Variants in TUT4 observed in about 807,000 individuals in gnomAD.
TUT4 encodes the protein terminal uridylyl transferase 4, also known as terminal uridylyltransferase 4.
TUT4 carries 36 observed loss-of-function variants against 192.2 expected under a neutral mutation model. The observed-to-expected ratio is 0.19, with a 90% confidence interval of 0.14 to 0.25. The LOEUF is 0.25. TUT4 is among the 10% of genes least tolerant of loss of function. The pLI is 1.00. For missense variants in TUT4, 1,493 were observed against 1,957.2 expected, an observed-to-expected ratio of 0.76 and a Z score of 4.47; for synonymous variants, 618 against 666.0, an observed-to-expected ratio of 0.93 and a Z score of 1.11.
In TUT4 at chr1:52,510,929, C is replaced by T. The variant is rs1676978420; in HGVS notation, c.883-1217G>A. 3.3e-5 allele frequency among the ~76,000 whole-genome samples: 5 copies of T among 152,286 alleles called. No individual in the cohort carries two copies. The South Asian group carries it at 1.0e-3, about 32-fold the overall frequency. ...AAAAATTACAAACACACAATAAATA[C>T]ATGTGGAATTTTAAAAGTTTCTAAT... On this transcript the variant is annotated intron_variant, in intron 3 of 29. Coordinates refer to ENST00000257177, the MANE Select transcript of TUT4 (RefSeq NM_001009881.3).
intron 15 of TUT4, among the ~76,000 whole-genome samples, chr1:52,467,674 C>G (rs1664591658): frequency 6.6e-6 from 1 of 152,162 alleles, no homozygotes; most frequent in African/African-American, 2.4e-5. Flanking sequence ...TACCAACATC[C>G]ATAAGGCACT....
At chr1:52,439,368 T>C (rs1016648994) in intron 24 of TUT4, among the ~76,000 whole-genome samples, 7 of 152,160 alleles carry the variant, frequency 4.6e-5, no homozygotes, top group African/African-American at 1.7e-4. Context: ...AAAGAAAAGG[T>C]AGGGAACTAA....
At chr1:52,463,256 AAT>A (rs748774254) in intron 16 of TUT4, 403 of 987,956 alleles carry the variant, frequency 4.1e-4, no homozygotes, top group Non-Finnish European at 4.7e-4. Flanking sequence ...TGGGTATAAA[AAT>A]CATTTCCTAT....
chr1:52,517,801 T>C (rs893858420), intron 2 of TUT4, among the ~76,000 whole-genome samples: 6 of 152,226 alleles, frequency 3.9e-5, no homozygotes, highest in African/African-American at 1.4e-4. Flanking sequence ...GAAATCCTAG[T>C]ATTATTTCTA....
Position 52,481,641 on chromosome 1 carries a change from T to C in TUT4, c.1636-6A>G, listed in dbSNP as rs952789921. 3 of 1,571,850 alleles carry C rather than the reference T, an allele frequency of 1.9e-6. No individual in the cohort carries two copies. Among genetic ancestry groups the C allele is most frequent in the Non-Finnish European group, 2.6e-6 (3 of 1,164,092 alleles). On this transcript the variant is annotated splice_region_variant and splice_polypyrimidine_tract_variant and intron_variant, in intron 10 of 29. Coordinates refer to ENST00000257177, the MANE Select transcript of TUT4 (RefSeq NM_001009881.3). ...TTTGGGTCAAAGCCTTCAATCTATA[T>C]AAAAAGGCATTCCAAATTGGTAGTG...
chr1:52,438,695 T>C lies in TUT4; in HGVS notation c.3823-360A>G, dbSNP rs566750922. On this transcript the variant is annotated intron_variant, in intron 24 of 29. Transcript: ENST00000257177. ...CAGGTTAAGTCTCACATAAAAGATG[T>C]AGAGCTAAGTCTGTCTCACAACAAA... 4.6e-5 allele frequency among the ~76,000 whole-genome samples: 7 copies of C among 152,344 alleles called. No homozygotes were observed. The Middle Eastern group carries it at 0.01, about 222-fold the overall frequency.
intron 4 of TUT4, among the ~76,000 whole-genome samples, chr1:52,497,961 T>C (rs1173140718): frequency 6.6e-6 from 1 of 152,122 alleles, no homozygotes; most frequent in Non-Finnish European, 1.5e-5. Flanking sequence ...CAAGAAACCA[T>C]CTCTTATCTT....
chr1:52,475,314 G>A lies in TUT4; in HGVS notation c.2245C>T (p.Leu749Phe). ...NNMATNGCIL[L>F]GETTEKINAE... ...TTTATTTTTTCTGTGGTTTCCCCAA[G>A]CAGAATACAACCATTGGTTGCCATA... is the stretch of plus-strand genomic sequence containing the variant. Residue 749 changes from leucine to phenylalanine, a missense_variant, in exon 13 of 30, where the codon CTT becomes TTT. This residue lies in a region of TUT4 where 245 missense variants were observed against 218.4 expected (regional missense o/e 1.12). Transcript: ENST00000257177. 6.2e-7 allele frequency: 1 copy of A among 1,614,042 alleles called. No homozygotes were observed. Among genetic ancestry groups the A allele is most frequent in the Non-Finnish European group, 8.5e-7 (1 of 1,179,998 alleles).
chr1:52,541,167 C>T (rs917367438), intron 1 of TUT4, among the ~76,000 whole-genome samples: 15 of 148,900 alleles, frequency 1.0e-4, no homozygotes, highest in Admixed American at 6.1e-4. Context: ...CAAGATCACG[C>T]GACTGCACTC....
rs566393030 is a variant in TUT4, at chr1:52,525,745, T to C, written c.536A>G (p.Gln179Arg). 1 of 1,614,200 alleles carries C rather than the reference T, an allele frequency of 6.2e-7. No individual in the cohort carries two copies. The highest frequency in any genetic ancestry group is 1.1e-5 in the South Asian group (1 of 91,082). Residue 179 changes from glutamine to arginine, a missense_variant, in exon 2 of 30, where the codon CAG (glutamine) becomes CGG (arginine). By Grantham distance (43) the Gln-to-Arg change is conservative. This residue lies in a region of TUT4 where 260 missense variants were observed against 247.8 expected (regional missense o/e 1.05). Transcript: ENST00000257177. Reference sequence around the variant, plus strand: ...GGAGCTTGGAATTTTTTTTCCAATCTGTTGTAATTCTGTCTTCTGTCTCAT... The same window carrying C: ...GGAGCTTGGAATTTTTTTTCCAATCCGTTGTAATTCTGTCTTCTGTCTCAT... Reference protein sequence around the residue: ...KDMRQKTELQQIGKKIPSSFT... With the variant: ...KDMRQKTELQRIGKKIPSSFT...
intron 14 of TUT4, among the ~76,000 whole-genome samples, chr1:52,470,901 A>G (rs898865133): frequency 6.6e-6 from 1 of 151,958 alleles, no homozygotes; most frequent in African/African-American, 2.4e-5. Flanking sequence ...AAAGGCATGC[A>G]AGCCGTTCCC....
intron 28 of TUT4, among the ~76,000 whole-genome samples, chr1:52,429,557 AAT>A (rs59994947): frequency 0.32 from 47,610 of 146,496 alleles, 11,373 homozygotes; most frequent in African/African-American, 0.68. Context: ...ACTTTGTCTA[AAT>A]ATATATATAT....
intron 20 of TUT4, among the ~76,000 whole-genome samples, chr1:52,453,382 CAA>C (rs555590629): frequency 2.3e-5 from 3 of 131,614 alleles, no homozygotes; most frequent in Non-Finnish European, 1.6e-5. Flanking sequence ...AACTCCGTCT[CAA>C]AAAAAAAAAA....
chr1:52,543,785 T>C (rs1312885682), intron 1 of TUT4, among the ~76,000 whole-genome samples: 2 of 151,718 alleles, frequency 1.3e-5, no homozygotes, highest in Non-Finnish European at 2.9e-5. Context: ...TGCCTGGCCT[T>C]ACTGTTGTTA....
At chr1:52,520,982 C>T (rs549806145) in intron 2 of TUT4, among the ~76,000 whole-genome samples, 44 of 152,106 alleles carry the variant, frequency 2.9e-4, no homozygotes, top group African/African-American at 9.4e-4. Flanking sequence ...TTAGTAGAAA[C>T]GGGATTTCAC....
intron 20 of TUT4, among the ~76,000 whole-genome samples, chr1:52,448,282 C>A (rs2148486482): frequency 6.6e-6 from 1 of 152,240 alleles, no homozygotes; most frequent in Non-Finnish European, 1.5e-5. Context: ...TCCGACATTT[C>A]ATAAAACAAA....
intron 13 of TUT4, among the ~76,000 whole-genome samples, chr1:52,473,293 A>T (rs111273370): frequency 2.0e-5 from 3 of 152,168 alleles, no homozygotes; most frequent in African/African-American, 7.2e-5. Context: ...TGTTGGTCAA[A>T]GGGTACAAAG....
intron 15 of TUT4, among the ~76,000 whole-genome samples, chr1:52,465,750 A>G (rs1663936466): frequency 6.6e-6 from 1 of 152,234 alleles, no homozygotes; most frequent in Admixed American, 6.5e-5. Flanking sequence ...TCCAAAAATG[A>G]GTGATTATAG....
At chr1:52,468,441 AAAAAACTGTTTTT>A (rs1387773564) in intron 14 of TUT4, 174 bp from the exon 15 acceptor site, 2 of 521,902 alleles carry the variant, frequency 3.8e-6, no homozygotes, top group African/African-American at 4.0e-5. Context: ...GATAGAAGGA[AAAAAACTGTTTTT>A]CTGTTTTAGC....
Sources: gnomAD v4.1 joint callset for allele counts (sites outside exome capture counted in the v4.1 genomes callset) on GRCh38, gnomAD v4.1.1 for gene constraint, gnomAD v4.1.1 regional missense constraint, MANE v1.5 for transcripts, NCBI Gene and HGNC (gene_info 2026-07-23, HGNC 2026-07-21) for gene names.